The following NAA11 variants were observed in gnomAD, a reference collection of about 807,000 sequenced individuals.
NAA11 encodes N-alpha-acetyltransferase 11, NatA catalytic subunit.
Under a neutral mutation model 16.1 loss-of-function variants are expected in NAA11, and 15 were observed. That is an observed-to-expected ratio of 0.93 (90% CI 0.62 to 1.44). The LOEUF (loss-of-function observed/expected upper bound fraction) is 1.44. Ranked by LOEUF, NAA11 falls within the 40% of genes most tolerant of loss-of-function variation. The pLI is 0.00. For synonymous variants in NAA11, 122 were observed against 112.4 expected (o/e 1.09, Z -0.54); for missense variants, 298 against 291.3 (o/e 1.02, Z -0.17).
At chr4:79,264,174 GT>G (rs1722295940) in intron 2 of NAA11, among the ~76,000 whole-genome samples, 1 of 152,174 alleles carries the variant, frequency 6.6e-6, no homozygotes, top group South Asian at 2.1e-4. Context: ...CTAGTAAACT[GT>G]TACTAGTCTG....
At chr4:79,180,838 C>T in the NAA11 span, among the ~76,000 whole-genome samples, 5 of 152,120 alleles carry the variant, frequency 3.3e-5, no homozygotes, top group South Asian at 4.1e-4. Flanking sequence ...CCCAAATATC[C>T]GTCAATGATA....
chr4:79,170,806 A>G, the NAA11 span, among the ~76,000 whole-genome samples: 2 of 152,126 alleles, frequency 1.3e-5, no homozygotes, highest in African/African-American at 2.4e-5. Context: ...TTTTAAAAAA[A>G]GTAATCTTAA....
the NAA11 span, among the ~76,000 whole-genome samples, chr4:79,178,401 G>C: frequency 6.6e-6 from 1 of 152,118 alleles, no homozygotes; most frequent in Admixed American, 6.6e-5. Context: ...ATCAGTTACT[G>C]GATATTTTTA....
At chr4:79,258,114 T>C (rs1250832990) in intron 2 of NAA11, among the ~76,000 whole-genome samples, 1 of 152,234 alleles carries the variant, frequency 6.6e-6, no homozygotes, top group Non-Finnish European at 1.5e-5. Context: ...CCCTGTCCCT[T>C]CCAAGTTGGT....
chr4:79,307,779 AATTTT>A (rs1194560458), intron 1 of NAA11, among the ~76,000 whole-genome samples: 3 of 152,334 alleles, frequency 2.0e-5, no homozygotes, highest in African/African-American at 7.2e-5. Flanking sequence ...CAAACAATTT[AATTTT>A]ATTTATATTG....
chr4:79,324,103 G>A (rs1724184478), intron 1 of NAA11, among the ~76,000 whole-genome samples: 1 of 151,482 alleles, frequency 6.6e-6, no homozygotes. Flanking sequence ...AACCCCCTAA[G>A]TACCCATTTC....
the NAA11 span, among the ~76,000 whole-genome samples, chr4:79,201,282 A>T: frequency 6.6e-6 from 1 of 151,626 alleles, no homozygotes. Flanking sequence ...CTATGTCAAG[A>T]ACAATGAATT....
the NAA11 span, among the ~76,000 whole-genome samples, chr4:79,188,560 G>C: frequency 6.6e-6 from 1 of 151,538 alleles, no homozygotes; most frequent in East Asian, 1.9e-4. Context: ...ACTCCAGCCT[G>C]GGCGACAGAG....
the NAA11 span, among the ~76,000 whole-genome samples, chr4:79,189,145 CAAA>C: frequency 1.3e-3 from 57 of 42,296 alleles, 7 homozygotes; most frequent in East Asian, 0.054. Context: ...GACTCCATCT[CAAA>C]AAAAAAAAAA....
chr4:79,275,525 AAATGTAT>A (rs1273338628), intron 2 of NAA11, among the ~76,000 whole-genome samples: 11 of 152,134 alleles, frequency 7.2e-5, no homozygotes, highest in Admixed American at 5.2e-4. Flanking sequence ...CTCATTCAAA[AAATGTAT>A]AATGAGTTCT....
At chr4:79,275,619 G>A (rs1488138168) in intron 2 of NAA11, among the ~76,000 whole-genome samples, 1 of 152,114 alleles carries the variant, frequency 6.6e-6, no homozygotes, top group African/African-American at 2.4e-5. Context: ...TGATTTTCAT[G>A]TGCATTCTAT....
At chr4:79,163,159 C>CA in the NAA11 span, among the ~76,000 whole-genome samples, 3 of 152,278 alleles carry the variant, frequency 2.0e-5, no homozygotes, top group South Asian at 2.1e-4. Flanking sequence ...CAGAATACAA[C>CA]ATGAATGGTG....
rs554201440 is a variant in NAA11, at chr4:79,280,474, C to T, written c.*122+13531G>A. ...CCCTGAGAATACTATCTTTTAGTTCCTATAACTTAGGTTCTACTTTGGTTG... is the reference window on the plus strand; with the variant it reads ...CCCTGAGAATACTATCTTTTAGTTCTTATAACTTAGGTTCTACTTTGGTTG... On this transcript the variant is annotated intron_variant and NMD_transcript_variant, in intron 2 of 2. Transcript: ENST00000511542. 1.2e-4 allele frequency among the ~76,000 whole-genome samples: 18 copies of T among 151,708 alleles called. No homozygotes were observed. The East Asian group carries it at 2.9e-3, about 24-fold the overall frequency.
At chr4:79,247,446 C>T (rs148674755) in intron 2 of NAA11, among the ~76,000 whole-genome samples, 3 of 152,252 alleles carry the variant, frequency 2.0e-5, no homozygotes, top group African/African-American at 7.2e-5. Context: ...TTCTTCCAAA[C>T]ATCTACTTCA....
intron 1 of NAA11, chr4:79,308,717 T>G (rs1158830890): frequency 1.3e-5 from 2 of 152,172 alleles, no homozygotes; most frequent in African/African-American, 4.8e-5. Context: ...CTATATTACT[T>G]CAGATTTGGT....
At chr4:79,196,803 T>C in the NAA11 span, among the ~76,000 whole-genome samples, 937 of 151,778 alleles carry the variant, frequency 6.2e-3, 11 homozygotes, top group African/African-American at 0.022. Flanking sequence ...GTGGGTCCTG[T>C]GTAATCACAA....
At chr4:79,178,451 G>A in the NAA11 span, among the ~76,000 whole-genome samples, 9 of 152,182 alleles carry the variant, frequency 5.9e-5, no homozygotes, top group African/African-American at 2.2e-4. Flanking sequence ...CTAGAGAATA[G>A]TTCAGATAAT....
At chr4:79,318,541 G>C (rs1259573379) in intron 1 of NAA11, among the ~76,000 whole-genome samples, 1 of 152,112 alleles carries the variant, frequency 6.6e-6, no homozygotes, top group Non-Finnish European at 1.5e-5. Flanking sequence ...TGACTATTAT[G>C]CACAGAGCAG....
downstream of NAA11, among the ~76,000 whole-genome samples, chr4:79,222,925 C>T (rs1467691616): frequency 6.7e-6 from 1 of 150,138 alleles, no homozygotes; most frequent in African/African-American, 2.4e-5. Flanking sequence ...CAGAGAAATG[C>T]AAATCAAAAC....
Sources: gnomAD v4.1 joint callset for allele counts (sites outside exome capture counted in the v4.1 genomes callset) on GRCh38, gnomAD v4.1.1 for gene constraint, MANE v1.5 for transcripts, NCBI Gene and HGNC (gene_info 2026-07-23, HGNC 2026-07-21) for gene names.